SCAPER: variants seen among roughly 807,000 people sequenced by gnomAD.
The protein encoded by SCAPER is S-phase cyclin A associated protein in the ER.
A neutral mutation model predicts 182.2 loss-of-function variants in SCAPER; 98 were observed. The observed-to-expected ratio is 0.54, with a 90% CI of 0.46 to 0.64. SCAPER has a LOEUF of 0.64. Among genes scored for constraint, SCAPER ranks in the 30% least tolerant of loss-of-function variants. The pLI is 0.00. For synonymous variants in SCAPER, 605 were observed against 564.6 expected (o/e 1.07, Z -1.01); for missense variants, 1,432 against 1,690.0 (o/e 0.85, Z 2.68).
In SCAPER at chr15:76,905,339, C is replaced by T; in HGVS notation, c.-100G>A. The T allele has an allele frequency of 4.2e-6, 1 of 235,958 alleles. No individual in the cohort carries two copies. The highest frequency in any genetic ancestry group is 3.5e-5 in the South Asian group (1 of 28,956). 14.6% of individuals were successfully genotyped at this position (235,958 alleles called of 1,614,324 possible). ...TTAGTTCGGGGCGGCTCAAAGCGTC[C>T]CGCCGGGAAAGGGGCGTGACGGGGC... is the stretch of plus-strand genomic sequence containing the variant. On this transcript the variant is annotated 5_prime_UTR_variant, in exon 1 of 32. Coordinates refer to ENST00000563290, the MANE Select transcript of SCAPER (RefSeq NM_020843.4).
intron 4 of SCAPER, among the ~76,000 whole-genome samples, chr15:76,853,725 C>T (rs1408077754): frequency 6.6e-6 from 1 of 152,148 alleles, no homozygotes; most frequent in African/African-American, 2.4e-5. Flanking sequence ...GAAAAGGGAA[C>T]AGCTGGAAGC....
At chr15:76,627,210 C>T (rs989929449) in intron 21 of SCAPER, among the ~76,000 whole-genome samples, 3 of 148,236 alleles carry the variant, frequency 2.0e-5, no homozygotes, top group African/African-American at 7.4e-5. Context: ...GTTTTGCTAA[C>T]AAATCTTCTT....
intron 25 of SCAPER, among the ~76,000 whole-genome samples, chr15:76,435,876 T>G (rs1347420665): frequency 6.6e-6 from 1 of 152,198 alleles, no homozygotes; most frequent in East Asian, 1.9e-4. Flanking sequence ...CTGTAGAACT[T>G]TGAAACTCCA....
At chr15:76,780,201 G>A (rs2064022554) in intron 8 of SCAPER, among the ~76,000 whole-genome samples, 1 of 152,234 alleles carries the variant, frequency 6.6e-6, no homozygotes, top group South Asian at 2.1e-4. Context: ...CATGGTCTTA[G>A]CAACTGGAAG....
intron 7 of SCAPER, among the ~76,000 whole-genome samples, chr15:76,798,341 C>T (rs2065483167): frequency 7.7e-6 from 1 of 129,846 alleles, no homozygotes; most frequent in African/African-American, 2.9e-5. Context: ...GCCTGGGCAA[C>T]AGAGCAAGAC....
At chr15:76,493,670 T>C (rs1217754617) in intron 24 of SCAPER, among the ~76,000 whole-genome samples, 1 of 152,254 alleles carries the variant, frequency 6.6e-6, no homozygotes, top group Non-Finnish European at 1.5e-5. Context: ...TCTGTAGATA[T>C]GTTCTTAAGT....
chr15:76,489,395 G>A (rs149557303), intron 24 of SCAPER, among the ~76,000 whole-genome samples: 1 of 151,544 alleles, frequency 6.6e-6, no homozygotes, highest in African/African-American at 2.4e-5. Flanking sequence ...CCACAATAAA[G>A]ATACAGTAGA....
chr15:76,845,775 C>T (rs2070008202), intron 4 of SCAPER, among the ~76,000 whole-genome samples: 1 of 151,918 alleles, frequency 6.6e-6, no homozygotes, highest in African/African-American at 2.4e-5. Context: ...ATATCCAAAG[C>T]AATCTATAGA....
chr15:76,810,225 T>C (rs2096114358), intron 5 of SCAPER, among the ~76,000 whole-genome samples: 1 of 151,806 alleles, frequency 6.6e-6, no homozygotes, highest in African/African-American at 2.4e-5. Flanking sequence ...ATAACAGTGG[T>C]GGGCATATCA....
intron 1 of SCAPER, among the ~76,000 whole-genome samples, chr15:76,892,008 C>T (rs1302865314): frequency 2.6e-5 from 4 of 152,162 alleles, no homozygotes; most frequent in African/African-American, 9.7e-5. Flanking sequence ...GAACAGAGGC[C>T]TCAGAAATAA....
chr15:76,812,839 A>T (rs1291208676), intron 5 of SCAPER, among the ~76,000 whole-genome samples: 1 of 152,070 alleles, frequency 6.6e-6, no homozygotes. Context: ...AGATATCTTC[A>T]GAGCCGAATT....
intron 1 of SCAPER, among the ~76,000 whole-genome samples, chr15:76,903,112 TCTTA>T (rs888791645): frequency 4.0e-5 from 6 of 151,836 alleles, no homozygotes; most frequent in African/African-American, 9.7e-5. Flanking sequence ...AGTCCCTTCA[TCTTA>T]CTTATCTTTA....
intron 6 of SCAPER, among the ~76,000 whole-genome samples, chr15:76,801,579 T>C (rs2151512413): frequency 6.6e-6 from 1 of 152,310 alleles, no homozygotes; most frequent in South Asian, 2.1e-4. Flanking sequence ...ATATAAGTGC[T>C]GTCTCATGAG....
chr15:76,691,305 T>C (rs2058346365), intron 20 of SCAPER, among the ~76,000 whole-genome samples: 1 of 152,138 alleles, frequency 6.6e-6, no homozygotes, highest in South Asian at 2.1e-4. Flanking sequence ...CTTTACTCAA[T>C]GACACATACA....
intron 2 of SCAPER, 82 bp from the exon 3 acceptor site, chr15:76,862,615 T>C (rs2071966926): frequency 1.1e-6 from 1 of 927,478 alleles, no homozygotes; most frequent in Non-Finnish European, 1.5e-6. Context: ...TTCTCACATT[T>C]TTCTCAGAAA....
intron 21 of SCAPER, among the ~76,000 whole-genome samples, chr15:76,644,126 G>C (rs2146422296): frequency 6.6e-6 from 1 of 152,244 alleles, no homozygotes. Flanking sequence ...GGGTCAGACA[G>C]AGTCTTTAGA....
intron 29 of SCAPER, among the ~76,000 whole-genome samples, chr15:76,375,526 A>C (rs1031289167): frequency 4.6e-5 from 7 of 152,194 alleles, no homozygotes; most frequent in Non-Finnish European, 1.0e-4. Context: ...AAAAACCCTG[A>C]TAGCTAGAGC....
intron 24 of SCAPER, among the ~76,000 whole-genome samples, chr15:76,492,870 T>G (rs994341228): frequency 6.8e-6 from 1 of 146,872 alleles, no homozygotes; most frequent in Non-Finnish European, 1.5e-5. Context: ...CTGAGAGTGT[T>G]TTTTTTTTTT....
At chr15:76,749,873 C>A (rs1239898064) in intron 15 of SCAPER, among the ~76,000 whole-genome samples, 1 of 151,690 alleles carries the variant, frequency 6.6e-6, no homozygotes, top group Non-Finnish European at 1.5e-5. Context: ...TGTAGAAATT[C>A]AAAAGCTGAT....
Sources: allele counts gnomAD v4.1 joint callset (sites outside exome capture counted in the v4.1 genomes callset), GRCh38; gene constraint gnomAD v4.1.1; transcripts MANE v1.5; gene names NCBI Gene and HGNC (gene_info 2026-07-23, HGNC 2026-07-21).